Variants in CAMK2D observed in about 807,000 individuals in gnomAD.
CAMK2D encodes the protein calcium/calmodulin dependent protein kinase II delta, also known as calcium/calmodulin-dependent protein kinase type II subunit delta.
A neutral mutation model predicts 84.0 loss-of-function variants in CAMK2D; 37 were observed. That is an observed-to-expected ratio of 0.44 (90% CI 0.34 to 0.58). The LOEUF (loss-of-function observed/expected upper bound fraction) is 0.58, where lower values mean the gene tolerates loss of function less well. CAMK2D is among the 20% of genes least tolerant of loss of function. The probability of loss-of-function intolerance (pLI) is 0.02; values close to 1 mark genes in which losing one functional copy is unlikely to be tolerated. For missense variants in CAMK2D, 448 were observed against 652.5 expected (o/e 0.69, Z 3.41); for synonymous variants, 202 against 212.5 (o/e 0.95, Z 0.43).
intron 2 of CAMK2D, among the ~76,000 whole-genome samples, chr4:113,696,105 A>C (rs1367116538): frequency 6.6e-6 from 1 of 151,890 alleles, no homozygotes; most frequent in Non-Finnish European, 1.5e-5. Flanking sequence ...AACTTGTCTC[A>C]AATGCACCAT....
intron 3 of CAMK2D, 63 bp downstream of exon 3, chr4:113,661,650 A>G: frequency 1.4e-6 from 1 of 693,120 alleles, no homozygotes; most frequent in African/African-American, 1.8e-5. Flanking sequence ...TAGCATTTTT[A>G]TTGTGGTAAA....
At chr4:113,472,354 C>T (rs960309564) in intron 16 of CAMK2D, among the ~76,000 whole-genome samples, 2 of 152,130 alleles carry the variant, frequency 1.3e-5, no homozygotes, top group African/African-American at 2.4e-5. Context: ...TGTGGCGGTG[C>T]TGAGAAGGCA....
intron 2 of CAMK2D, among the ~76,000 whole-genome samples, chr4:113,725,027 C>T (rs1023820942): frequency 4.0e-5 from 6 of 151,816 alleles, no homozygotes; most frequent in Non-Finnish European, 8.8e-5. Flanking sequence ...CTCCATTCAG[C>T]GATTTAATTT....
intron 4 of CAMK2D, among the ~76,000 whole-genome samples, chr4:113,558,301 C>T (rs1222409504): frequency 6.6e-6 from 1 of 152,180 alleles, no homozygotes; most frequent in African/African-American, 2.4e-5. Flanking sequence ...TGTATAGTAA[C>T]TGTTTTTAAT....
intron 4 of CAMK2D, among the ~76,000 whole-genome samples, chr4:113,587,250 G>C (rs1023348311): frequency 1.3e-5 from 2 of 152,190 alleles, no homozygotes; most frequent in African/African-American, 4.8e-5. Context: ...TTGTCAGTTT[G>C]AGAAGGAGGA....
chr4:113,599,684 T>A (rs1288721448), intron 4 of CAMK2D, among the ~76,000 whole-genome samples: 1 of 152,230 alleles, frequency 6.6e-6, no homozygotes, highest in African/African-American at 2.4e-5. Flanking sequence ...GCCTGAAGGA[T>A]AACAGAGTTG....
intron 16 of CAMK2D, among the ~76,000 whole-genome samples, chr4:113,481,003 AAAAAT>A (rs1175809178): frequency 6.6e-6 from 1 of 152,312 alleles, no homozygotes; most frequent in East Asian, 1.9e-4. Flanking sequence ...CAAAACTGTG[AAAAAT>A]AAATTTCTAC....
intron 2 of CAMK2D, among the ~76,000 whole-genome samples, chr4:113,752,561 T>C (rs2099619762): frequency 6.6e-6 from 1 of 152,060 alleles, no homozygotes; most frequent in Non-Finnish European, 1.5e-5. Context: ...ACCAGAAGAG[T>C]AGAACAGCTT....
intron 2 of CAMK2D, among the ~76,000 whole-genome samples, chr4:113,671,337 T>C (rs1244054971): frequency 2.6e-5 from 4 of 152,228 alleles, no homozygotes; most frequent in Non-Finnish European, 5.9e-5. Flanking sequence ...CATTTTTCTG[T>C]GACTGAGTTC....
At chr4:113,580,890 T>C (rs1161740526) in intron 4 of CAMK2D, among the ~76,000 whole-genome samples, 1 of 129,954 alleles carries the variant, frequency 7.7e-6, no homozygotes, top group Non-Finnish European at 1.6e-5. Flanking sequence ...TTTTTAAATA[T>C]ATCAGTCATC....
At chr4:113,754,642 C>T (rs1339756501) in intron 2 of CAMK2D, 12 of 975,482 alleles carry the variant, frequency 1.2e-5, no homozygotes, top group Non-Finnish European at 1.5e-5. Context: ...TAATGAAATA[C>T]AGAAAAGAAT....
At chr4:113,475,418 G>A (rs2097596263) in intron 16 of CAMK2D, among the ~76,000 whole-genome samples, 1 of 152,086 alleles carries the variant, frequency 6.6e-6, no homozygotes, top group Non-Finnish European at 1.5e-5. Context: ...AAAGAACTAG[G>A]CTGACTATAT....
intron 5 of CAMK2D, among the ~76,000 whole-genome samples, chr4:113,551,033 C>T (rs1249610386): frequency 6.6e-6 from 1 of 152,114 alleles, no homozygotes; most frequent in Non-Finnish European, 1.5e-5. Context: ...GATTAGCAAG[C>T]CTTGGGAAGC....
rs912788158 is a variant in CAMK2D, at chr4:113,662,420, A to G, written c.161-648T>C. Among the ~76,000 whole-genome samples the G allele has an allele frequency of 2.0e-5, 3 of 152,120 alleles. No individual in the cohort carries two copies. In the South Asian group the frequency reaches 6.2e-4, roughly 32 times the overall value. On this transcript the variant is annotated intron_variant, in intron 2 of 20. Transcript: ENST00000511664. Reference sequence around the variant, plus strand: ...AGAATTATCTTAATATTCTTCTTTGATTTTTTGGTGGAGGTACCTATAAAC... The same window carrying G: ...AGAATTATCTTAATATTCTTCTTTGGTTTTTTGGTGGAGGTACCTATAAAC...
chr4:113,620,184 C>T lies in CAMK2D; in HGVS notation c.221-10978G>A, dbSNP rs905178907. 8.5e-5 allele frequency among the ~76,000 whole-genome samples: 13 copies of T among 152,114 alleles called. No homozygotes were observed. In the East Asian group the frequency reaches 2.1e-3, roughly 25 times the overall value. ...ATGGTCTTATAAAAGCAGTGAAGAG[C>T]GAGAAAACATCTGTCCATCCCTTGG... On this transcript the variant is annotated intron_variant, in intron 3 of 20. Transcript: ENST00000511664.
chr4:113,500,353 C>T, intron 16 of CAMK2D, 110 bp downstream of exon 16: 5 of 527,138 alleles, frequency 9.5e-6, no homozygotes, highest in South Asian at 6.5e-5. Context: ...TATTTTTGTG[C>T]TTTAGGATAG....
At chr4:113,465,494 T>C (rs780615498) in intron 17 of CAMK2D, 35 bp downstream of exon 17, 4 of 1,194,460 alleles carry the variant, frequency 3.3e-6, no homozygotes, top group Admixed American at 1.9e-5. Context: ...ATATTTACCA[T>C]ATGCATGAAA....
At chr4:113,500,607 C>T in intron 15 of CAMK2D, 96 bp from the exon 16 acceptor site, 2 of 707,922 alleles carry the variant, frequency 2.8e-6, no homozygotes, top group Non-Finnish European at 4.9e-6. Flanking sequence ...ATGCAAAATT[C>T]TTCAGCAGGC....
At chr4:113,562,272 TC>T (rs2098701833) in intron 4 of CAMK2D, among the ~76,000 whole-genome samples, 1 of 152,120 alleles carries the variant, frequency 6.6e-6, no homozygotes, top group Non-Finnish European at 1.5e-5. Flanking sequence ...CTGCCAGAGC[TC>T]CATTAAGAAA....
Sources: allele counts gnomAD v4.1 joint callset (sites outside exome capture counted in the v4.1 genomes callset), GRCh38; gene constraint gnomAD v4.1.1; transcripts MANE v1.5; gene names NCBI Gene and HGNC (gene_info 2026-07-23, HGNC 2026-07-21).